Variants in CDYL2 observed in about 807,000 individuals in gnomAD.
The protein encoded by CDYL2 is chromodomain Y like 2.
In CDYL2, 23 loss-of-function variants were observed where a neutral mutation model predicts 49.4. The observed-to-expected ratio is 0.47, with a 90% CI of 0.34 to 0.66. The LOEUF (loss-of-function observed/expected upper bound fraction) is 0.66. Among genes scored for constraint, CDYL2 ranks in the 30% least tolerant of loss-of-function variants. The probability of loss-of-function intolerance (pLI) is 0.01; values close to 1 mark genes in which losing one functional copy is unlikely to be tolerated. For missense variants in CDYL2, 678 were observed against 656.4 expected, an observed-to-expected ratio of 1.03 and a Z score of -0.36; for synonymous variants, 360 against 268.8, an observed-to-expected ratio of 1.34 and a Z score of -3.32.
At chr16:80,767,090 T>TAC (rs1294582495) in intron 1 of CDYL2, among the ~76,000 whole-genome samples, 5 of 151,626 alleles carry the variant, frequency 3.3e-5, no homozygotes, top group East Asian at 3.9e-4. Context: ...ATTGCTCACA[T>TAC]ACACACACAC....
chr16:80,693,368 T>TGGAA (rs879259834), intron 1 of CDYL2, among the ~76,000 whole-genome samples: 9 of 151,882 alleles, frequency 5.9e-5, no homozygotes, highest in African/African-American at 1.9e-4. Flanking sequence ...AATGAGAAGA[T>TGGAA]GGAAATAAGG....
intron 1 of CDYL2, among the ~76,000 whole-genome samples, chr16:80,725,467 T>C (rs547491497): frequency 2.0e-5 from 3 of 152,350 alleles, no homozygotes; most frequent in Admixed American, 2.0e-4. Flanking sequence ...TCCTGTTCAC[T>C]GCTGTGTCCC....
At position 80,725,562 on chromosome 16, in the gene CDYL2, A is replaced by C. The variant is rs145424572; in HGVS notation, c.25-40433T>G. On this transcript the variant is annotated intron_variant, in intron 1 of 6. Coordinates refer to ENST00000570137, the MANE Select transcript of CDYL2 (RefSeq NM_152342.4). Reference sequence around the variant, plus strand: ...ACAAATCTCATCCTACAGTCTACGAATCTCAGTCCACATATTTCAAATTCT... The same window carrying C: ...ACAAATCTCATCCTACAGTCTACGACTCTCAGTCCACATATTTCAAATTCT... Among the ~76,000 whole-genome samples, 146 of 152,334 alleles carry C rather than the reference A, an allele frequency of 9.6e-4. 1 individual carries two copies. In the Middle Eastern group the frequency reaches 0.01, roughly 11 times the overall value.
chr16:80,631,804 G>C (rs1907575138), intron 3 of CDYL2, among the ~76,000 whole-genome samples: 1 of 152,176 alleles, frequency 6.6e-6, no homozygotes, highest in Admixed American at 6.5e-5. Context: ...AACATGACTA[G>C]TCATCAGGGA....
chr16:80,786,918 G>A (rs866458319), intron 1 of CDYL2, among the ~76,000 whole-genome samples: 2 of 151,996 alleles, frequency 1.3e-5, no homozygotes, highest in African/African-American at 2.4e-5. Context: ...CAGGGCCTGT[G>A]GGGGGTGGGG....
At chr16:80,743,960 C>A (rs1905838558) in intron 1 of CDYL2, among the ~76,000 whole-genome samples, 1 of 152,108 alleles carries the variant, frequency 6.6e-6, no homozygotes, top group Non-Finnish European at 1.5e-5. Context: ...GCCTCTTCTG[C>A]TGCTTCTGCA....
intron 2 of CDYL2, among the ~76,000 whole-genome samples, chr16:80,678,447 C>T (rs1441311911): frequency 6.6e-6 from 1 of 152,182 alleles, no homozygotes; most frequent in Admixed American, 6.5e-5. Flanking sequence ...AAAAAGTGGG[C>T]GAAGGACATG....
At chr16:80,793,873 G>A (rs1907684546) in intron 1 of CDYL2, among the ~76,000 whole-genome samples, 1 of 151,980 alleles carries the variant, frequency 6.6e-6, no homozygotes, top group Non-Finnish European at 1.5e-5. Context: ...TTTTAATGAG[G>A]CCCAAAGATG....
At chr16:80,725,191 TACACATACACAC>T (rs1905125418) in intron 1 of CDYL2, among the ~76,000 whole-genome samples, 1 of 151,712 alleles carries the variant, frequency 6.6e-6, no homozygotes, top group African/African-American at 2.4e-5. Context: ...CACATACACA[TACACATACACAC>T]ACACATACAC....
intron 1 of CDYL2, among the ~76,000 whole-genome samples, chr16:80,752,233 AC>A (rs1458297897): frequency 6.6e-6 from 1 of 152,216 alleles, no homozygotes; most frequent in Admixed American, 6.5e-5. Flanking sequence ...CAACATCCAG[AC>A]AGCAACAAGG....
intron 1 of CDYL2, among the ~76,000 whole-genome samples, chr16:80,714,690 ACAT>A (rs745655985): frequency 1.3e-5 from 2 of 152,124 alleles, no homozygotes; most frequent in Non-Finnish European, 2.9e-5. Flanking sequence ...AGCATACCTT[ACAT>A]CAATGCCATC....
At chr16:80,701,412 T>A (rs1212823912) in intron 1 of CDYL2, among the ~76,000 whole-genome samples, 1 of 152,246 alleles carries the variant, frequency 6.6e-6, no homozygotes, top group Non-Finnish European at 1.5e-5. Flanking sequence ...AAAGCTTTTT[T>A]TCAATGAACA....
intron 1 of CDYL2, among the ~76,000 whole-genome samples, chr16:80,748,796 C>T (rs559374745): frequency 6.6e-6 from 1 of 152,178 alleles, no homozygotes; most frequent in East Asian, 1.9e-4. Context: ...CCTTGAGCTG[C>T]CCTTGTCTCT....
chr16:80,782,530 G>GAAAAAAA lies in CDYL2; in HGVS notation c.24+21613_24+21619dup, dbSNP rs1188248662. On this transcript the variant is annotated intron_variant, in intron 1 of 6. Transcript: ENST00000570137. ...GATCCCAAAGCCAAAGACATAAGGA[G>GAAAAAAA]AAAAAAAAAAAAAAAAAAAAAACTA... Among the ~76,000 whole-genome samples, 4 of 35,792 alleles carry GAAAAAAA rather than the reference G, an allele frequency of 1.1e-4. 1 individual carries two copies. Among genetic ancestry groups the GAAAAAAA allele is most frequent in the Non-Finnish European group, 1.8e-4 (3 of 16,326 alleles). 23.5% of individuals were successfully genotyped at this position (35,792 alleles called of 152,430 possible).
chr16:80,793,826 G>A (rs1224482999), intron 1 of CDYL2, among the ~76,000 whole-genome samples: 2 of 152,030 alleles, frequency 1.3e-5, no homozygotes, highest in East Asian at 3.9e-4. Flanking sequence ...ATTAACTTCC[G>A]AGAATAATAA....
chr16:80,776,543 C>T (rs1046731945), intron 1 of CDYL2, among the ~76,000 whole-genome samples: 5 of 151,094 alleles, frequency 3.3e-5, no homozygotes, highest in East Asian at 1.9e-4. Context: ...AAATTCCATA[C>T]ACTTCCATCC....
intron 2 of CDYL2, among the ~76,000 whole-genome samples, chr16:80,640,513 G>C (rs146129112): frequency 3.0e-3 from 450 of 152,190 alleles, no homozygotes; most frequent in African/African-American, 0.011. Context: ...GGCGGCTACA[G>C]GGAGAGATAA....
chr16:80,604,100 C>G lies in CDYL2; in HGVS notation c.*288G>C, dbSNP rs2142353912. ...CCTGGACCGTCATGGTGCATTTCAG[C>G]AAGTGGGGAAAGGACAGCGGTGCTT... On this transcript the variant is annotated 3_prime_UTR_variant, in exon 7 of 7. Transcript: ENST00000570137. 1 of 421,102 alleles carries G rather than the reference C, an allele frequency of 2.4e-6. No individual in the cohort carries two copies. Among genetic ancestry groups the G allele is most frequent in the East Asian group, 4.3e-5 (1 of 23,272 alleles). 26.1% of individuals were successfully genotyped at this position (421,102 alleles called of 1,614,324 possible).
intron 3 of CDYL2, among the ~76,000 whole-genome samples, chr16:80,632,147 C>A (rs1347203347): frequency 6.6e-6 from 1 of 151,832 alleles, no homozygotes. Context: ...CCATAAAAAT[C>A]AAAAGTAGAA....
Sources: allele counts gnomAD v4.1 joint callset (sites outside exome capture counted in the v4.1 genomes callset), GRCh38; gene constraint gnomAD v4.1.1; transcripts MANE v1.5; gene names NCBI Gene and HGNC (gene_info 2026-07-23, HGNC 2026-07-21).